Variants in SDK1 observed in about 807,000 individuals in gnomAD.
The protein encoded by SDK1 is sidekick cell adhesion molecule 1, also known as protein sidekick-1.
In SDK1, 157 loss-of-function variants were observed where a neutral mutation model predicts 245.5. The observed-to-expected ratio is 0.64, with a 90% CI of 0.56 to 0.73. The LOEUF (loss-of-function observed/expected upper bound fraction) is 0.73. Among genes scored for constraint, SDK1 ranks in the 30% least tolerant of loss-of-function variants. SDK1 has a pLI of 0.00. For synonymous variants in SDK1, 1,647 were observed against 1,278.5 expected (o/e 1.29, Z -6.15); for missense variants, 3,583 against 3,002.3 (o/e 1.19, Z -4.52).
At chr7:4,106,763 C>G (rs757960658) in intron 22 of SDK1, among the ~76,000 whole-genome samples, 16 of 152,130 alleles carry the variant, frequency 1.1e-4, no homozygotes, top group Non-Finnish European at 1.6e-4. Flanking sequence ...GGCAGCCTCC[C>G]GGGCCTTACT....
chr7:3,584,773 G>C (rs1780627894), intron 1 of SDK1, among the ~76,000 whole-genome samples: 1 of 151,264 alleles, frequency 6.6e-6, no homozygotes, highest in Admixed American at 6.6e-5. Flanking sequence ...CCCCAGGCTG[G>C]AGTGCAGTGG....
chr7:3,601,524 TC>T (rs1396495639), intron 1 of SDK1, among the ~76,000 whole-genome samples: 1 of 152,082 alleles, frequency 6.6e-6, no homozygotes, highest in Non-Finnish European at 1.5e-5. Context: ...TTCATAGTAT[TC>T]TTTTTTTAAT....
chr7:3,878,643 A>G (rs1158241320), intron 5 of SDK1, among the ~76,000 whole-genome samples: 2 of 152,248 alleles, frequency 1.3e-5, no homozygotes, highest in Non-Finnish European at 2.9e-5. Flanking sequence ...ATATCATCTC[A>G]TATAATCCTC....
intron 1 of SDK1, among the ~76,000 whole-genome samples, chr7:3,468,414 C>G (rs373238317): frequency 6.6e-6 from 1 of 152,124 alleles, no homozygotes; most frequent in Non-Finnish European, 1.5e-5. Context: ...GCATTCTCCC[C>G]CGAATCTACC....
At chr7:3,942,538 T>A (rs1274250936) in intron 5 of SDK1, among the ~76,000 whole-genome samples, 1 of 152,242 alleles carries the variant, frequency 6.6e-6, no homozygotes, top group Non-Finnish European at 1.5e-5. Flanking sequence ...AAAGAACATA[T>A]TGCTCAACAT....
chr7:3,909,583 A>G (rs1779083553), intron 5 of SDK1, among the ~76,000 whole-genome samples: 1 of 152,186 alleles, frequency 6.6e-6, no homozygotes, highest in African/African-American at 2.4e-5. Context: ...ACCCCACCAC[A>G]CCCACTACAG....
At chr7:3,951,269 G>C (rs974372241) in intron 6 of SDK1, among the ~76,000 whole-genome samples, 1 of 152,046 alleles carries the variant, frequency 6.6e-6, no homozygotes, top group Non-Finnish European at 1.5e-5. Flanking sequence ...GGGTGGTAGT[G>C]GGGGGCTCCT....
At chr7:4,145,118 C>A (rs936827270) in intron 28 of SDK1, among the ~76,000 whole-genome samples, 1 of 152,162 alleles carries the variant, frequency 6.6e-6, no homozygotes, top group Non-Finnish European at 1.5e-5. Context: ...CTGGGCAGCA[C>A]AGGGGGATTC....
rs74476037 is a variant in SDK1 at position 3,451,079 on chromosome 7, A to G, written c.298+149195A>G. On this transcript the variant is annotated intron_variant, in intron 1 of 44. Transcript: ENST00000404826. ...AGGCAAGAGAATGGGAGGCAAAGTGAGAGGAGTTTATAGGTTGGCTGCTAA... is the reference window on the plus strand; with the variant it reads ...AGGCAAGAGAATGGGAGGCAAAGTGGGAGGAGTTTATAGGTTGGCTGCTAA... 9.0e-3 allele frequency among the ~76,000 whole-genome samples: 1,366 copies of G among 152,222 alleles called. 25 individuals are homozygous for G. The highest frequency in any genetic ancestry group is 0.031 in the African/African-American group (1,280 of 41,542).
chr7:3,714,512 C>T (rs1785144208), intron 4 of SDK1, among the ~76,000 whole-genome samples: 1 of 152,192 alleles, frequency 6.6e-6, no homozygotes, highest in Admixed American at 6.5e-5. Flanking sequence ...GCTCATTTCA[C>T]ATCAGTCCTT....
chr7:3,347,078 T>A (rs183916341), intron 1 of SDK1, among the ~76,000 whole-genome samples: 1 of 151,782 alleles, frequency 6.6e-6, no homozygotes, highest in African/African-American at 2.4e-5. Flanking sequence ...TGAAAGACTT[T>A]GCATCTTCGT....
At chr7:4,054,096 G>A (rs543683261) in intron 19 of SDK1, among the ~76,000 whole-genome samples, 4 of 150,868 alleles carry the variant, frequency 2.7e-5, no homozygotes, top group South Asian at 2.1e-4. Context: ...CGGCCACCAC[G>A]TCTGGCCAAT....
At chr7:3,795,219 T>G (rs1304118590) in intron 4 of SDK1, among the ~76,000 whole-genome samples, 1 of 152,172 alleles carries the variant, frequency 6.6e-6, no homozygotes, top group Non-Finnish European at 1.5e-5. Context: ...CATGTCTGTT[T>G]TACATGATAC....
intron 5 of SDK1, among the ~76,000 whole-genome samples, chr7:3,934,582 G>A (rs941995115): frequency 6.6e-6 from 1 of 152,238 alleles, no homozygotes; most frequent in Non-Finnish European, 1.5e-5. Context: ...TTACACTTAT[G>A]CAATTTTAGC....
chr7:3,852,297 A>C (rs1420688675), intron 5 of SDK1, among the ~76,000 whole-genome samples: 1 of 151,982 alleles, frequency 6.6e-6, no homozygotes, highest in East Asian at 1.9e-4. Context: ...GACGGATGGC[A>C]CCAGGCCTTT....
intron 17 of SDK1, among the ~76,000 whole-genome samples, chr7:4,044,076 A>G (rs1383245553): frequency 6.6e-6 from 1 of 152,188 alleles, no homozygotes; most frequent in East Asian, 1.9e-4. Flanking sequence ...ATTAAAAGCA[A>G]CACCTGTTTA....
At position 4,262,018 on chromosome 7, in the gene SDK1, C is replaced by CTTTTTTTTTTTTT. The variant is rs34610558; in HGVS notation, c.6382-3089_6382-3077dup. 6.8e-5 allele frequency among the ~76,000 whole-genome samples: 4 copies of CTTTTTTTTTTTTT among 59,252 alleles called. 1 individual carries two copies. Among genetic ancestry groups the CTTTTTTTTTTTTT allele is most frequent in the Non-Finnish European group, 1.2e-4 (4 of 34,118 alleles). 38.9% of individuals were successfully genotyped at this position (59,252 alleles called of 152,430 possible). ...AATCAATTTCACCCTCTGCTTTCTC[C>CTTTTTTTTTTTTT]TTTTTTTTTTTTTTTTTTTTTTTTT... On this transcript the variant is annotated intron_variant, in intron 44 of 44. Coordinates refer to ENST00000404826, the MANE Select transcript of SDK1 (RefSeq NM_152744.4).
At position 3,600,888 on chromosome 7, in the gene SDK1, A is replaced by G. The variant is rs552064584; in HGVS notation, c.299-18192A>G. On this transcript the variant is annotated intron_variant, in intron 1 of 44. Coordinates refer to ENST00000404826, the MANE Select transcript of SDK1 (RefSeq NM_152744.4). ...AAATTGATTTTTAAATAAGATTGAC[A>G]GAACTCCTCTCTATTCCTAATTCGG... is the stretch of plus-strand genomic sequence containing the variant. 1.6e-4 allele frequency among the ~76,000 whole-genome samples: 25 copies of G among 152,314 alleles called. No homozygotes were observed. The South Asian group carries it at 4.3e-3, about 26-fold the overall frequency.
At chr7:3,373,452 C>T (rs977081777) in intron 1 of SDK1, among the ~76,000 whole-genome samples, 1 of 152,148 alleles carries the variant, frequency 6.6e-6, no homozygotes, top group Non-Finnish European at 1.5e-5. Flanking sequence ...CTTGACAAAA[C>T]TTAACATCTA....
Sources: allele counts gnomAD v4.1 joint callset (sites outside exome capture counted in the v4.1 genomes callset), GRCh38; gene constraint gnomAD v4.1.1; transcripts MANE v1.5; gene names NCBI Gene and HGNC (gene_info 2026-07-23, HGNC 2026-07-21).